The following FLYWCH1 variants were observed in gnomAD, a reference collection of about 807,000 sequenced individuals.
FLYWCH1 encodes the protein FLYWCH-type zinc finger-containing protein 1.
A neutral mutation model predicts 66.4 loss-of-function variants in FLYWCH1; 75 were observed. The ratio of observed to expected loss-of-function variants is 1.13; its 90% CI spans 0.94 to 1.37. FLYWCH1 has a LOEUF of 1.37. FLYWCH1 is among the 40% of genes most tolerant of loss of function. FLYWCH1 has a pLI of 0.00. For missense variants in FLYWCH1, 1,334 were observed against 1,001.8 expected (o/e 1.33, Z -4.48); for synonymous variants, 595 against 429.9 (o/e 1.38, Z -4.75).
At chr16:2,934,919 C>CTT (rs59963690) in intron 6 of FLYWCH1, 1,634 of 144,738 alleles carry the variant, frequency 0.011, 23 homozygotes, top group Non-Finnish European at 0.013. Context: ...CTTGCACAGG[C>CTT]TTTTTTTTTT....
intron 9 of FLYWCH1, among the ~76,000 whole-genome samples, chr16:2,941,988 C>G (rs1422159444): frequency 1.3e-5 from 1 of 79,438 alleles, no homozygotes; most frequent in East Asian, 4.2e-4. Context: ...CAGAGCAAGA[C>G]TCATCTCAAA....
At chr16:2,933,097 C>A (rs569152055) in intron 4 of FLYWCH1, 33 bp from the exon 5 acceptor site, 25 of 1,589,026 alleles carry the variant, frequency 1.6e-5, no homozygotes, top group Non-Finnish European at 2.1e-5. Context: ...CTCTCCACCC[C>A]TGGTGATGTG....
At chr16:2,920,125 A>C (rs2070318109) in intron 2 of FLYWCH1, among the ~76,000 whole-genome samples, 1 of 152,178 alleles carries the variant, frequency 6.6e-6, no homozygotes. Flanking sequence ...ACATTCTGAA[A>C]TAGTTTCTAT....
chr16:2,928,587 T>G (rs1362724090), intron 2 of FLYWCH1, among the ~76,000 whole-genome samples: 1 of 152,144 alleles, frequency 6.6e-6, no homozygotes, highest in African/African-American at 2.4e-5. Flanking sequence ...GAGCACAGGG[T>G]TGGGGTTAAA....
At chr16:2,923,864 C>A (rs1036065689) in intron 2 of FLYWCH1, among the ~76,000 whole-genome samples, 2 of 152,006 alleles carry the variant, frequency 1.3e-5, no homozygotes, top group Non-Finnish European at 2.9e-5. Flanking sequence ...ATGGTGAAAC[C>A]CCATCTCTAC....
In FLYWCH1 at chr16:2,933,254, C is replaced by G. The variant is rs201661996; in HGVS notation, c.921C>G (p.His307Gln). The change falls in exon 5 of 10, where the codon CAC becomes CAG. Residue 307 changes from histidine (H) to glutamine (Q), a missense_variant. Physicochemically the swap from His to Gln is conservative, Grantham distance 24 (BLOSUM62 0). Transcript: ENST00000253928. ...GDKVYWTCRDHALHGCRSRAI... is the reference protein window; with the variant it reads ...GDKVYWTCRDQALHGCRSRAI... ...AGGTGTATTGGACCTGCCGGGACCA[C>G]GCGCTGCACGGCTGCCGGAGCCGGG... 9 of 1,612,460 alleles carry G rather than the reference C, an allele frequency of 5.6e-6. No individual in the cohort carries two copies. The South Asian group carries it at 9.9e-5, about 18-fold the overall frequency.
At chr16:2,935,113 G>A (rs1472764442) in intron 6 of FLYWCH1, 1 of 153,022 alleles carries the variant, frequency 6.5e-6, no homozygotes, top group Non-Finnish European at 1.5e-5. Context: ...AGCAGAGACA[G>A]AGTTTTACCA....
chr16:2,923,036 CTT>C, intron 2 of FLYWCH1: 1 of 438,548 alleles, frequency 2.3e-6, no homozygotes, highest in East Asian at 5.9e-5. Flanking sequence ...TTGTGTGGAT[CTT>C]TTTTTGTGTG....
intron 2 of FLYWCH1, among the ~76,000 whole-genome samples, chr16:2,918,147 CTTTTTT>C (rs35609623): frequency 1.9e-5 from 2 of 103,750 alleles, no homozygotes; most frequent in Non-Finnish European, 1.9e-5. Flanking sequence ...CCTTGGATTC[CTTTTTT>C]TTTTTTTTTT....
chr16:2,936,992 C>G (rs1398880695), intron 6 of FLYWCH1, 129 bp from the exon 7 acceptor site: 1 of 1,161,714 alleles, frequency 8.6e-7, no homozygotes, highest in South Asian at 1.6e-5. Flanking sequence ...GCATCTGTGT[C>G]CTGGGCTCCG....
At position 2,921,829 on chromosome 16, in the gene FLYWCH1, C is replaced by A. The variant is rs1028659383; in HGVS notation, c.-74+7540C>A. 2.6e-5 allele frequency among the ~76,000 whole-genome samples: 4 copies of A among 152,062 alleles called. No homozygotes were observed. The East Asian group carries it at 7.7e-4, about 29-fold the overall frequency. On this transcript the variant is annotated intron_variant, in intron 2 of 9. Coordinates refer to ENST00000253928, the MANE Select transcript of FLYWCH1 (RefSeq NM_001308068.2). The stretch of plus-strand genomic sequence containing the variant: ...CTGTAATCCCAGCACTTTGGGAGGC[C>A]AAGACAGGCAGATCATGAGGTCGGA...
At chr16:2,917,630 A>G (rs377530493) in intron 2 of FLYWCH1, among the ~76,000 whole-genome samples, 6 of 152,310 alleles carry the variant, frequency 3.9e-5, no homozygotes, top group African/African-American at 2.4e-5. Context: ...TGCCCAGCAC[A>G]AAGCAAACCT....
Position 2,933,222 on chromosome 16 carries a change from G to T in FLYWCH1, c.889G>T (p.Gly297Trp). The T allele has an allele frequency of 6.2e-7, 1 of 1,613,618 alleles. No individual in the cohort carries two copies. The highest frequency in any genetic ancestry group is 8.5e-7 in the Non-Finnish European group (1 of 1,179,814). The change falls in exon 5 of 10, where the codon GGG becomes TGG. Residue 297 changes from glycine (G) to tryptophan (W), a missense_variant. By Grantham distance (184) the Gly-to-Trp change is radical. Coordinates refer to ENST00000253928, the MANE Select transcript of FLYWCH1 (RefSeq NM_001308068.2). The stretch of plus-strand genomic sequence containing the variant: ...CCTCTACAAGCGGGAGAAGGCTGTC[G>T]GGGACAAGGTGTATTGGACCTGCCG... Reference protein sequence around the residue: ...SFLYKREKAVGDKVYWTCRDH... With the variant: ...SFLYKREKAVWDKVYWTCRDH...
chr16:2,934,356 G>C (rs1012825581), intron 6 of FLYWCH1, among the ~76,000 whole-genome samples: 3 of 152,336 alleles, frequency 2.0e-5, no homozygotes, highest in East Asian at 1.9e-4. Flanking sequence ...AGTGGTTAAG[G>C]ATTGAGGAGG....
intron 8 of FLYWCH1, among the ~76,000 whole-genome samples, chr16:2,939,388 G>A (rs546847419): frequency 4.8e-4 from 73 of 152,144 alleles, no homozygotes; most frequent in Admixed American, 9.2e-4. Flanking sequence ...CCTGGGAGGC[G>A]GAGGTTGCAG....
chr16:2,948,536 C>T (rs1044820879), intron 9 of FLYWCH1, among the ~76,000 whole-genome samples, 152 bp from the exon 10 acceptor site: 1 of 152,156 alleles, frequency 6.6e-6, no homozygotes, highest in Non-Finnish European at 1.5e-5. Flanking sequence ...GCACTCCAGC[C>T]TGGGTGACAG....
intron 9 of FLYWCH1, among the ~76,000 whole-genome samples, chr16:2,943,903 C>T (rs866944657): frequency 6.6e-6 from 1 of 151,942 alleles, no homozygotes; most frequent in South Asian, 2.1e-4. Flanking sequence ...CGACATTGCA[C>T]TCCAGCCTGG....
chr16:2,939,632 G>A (rs1293659685), intron 8 of FLYWCH1: 4 of 181,152 alleles, frequency 2.2e-5, no homozygotes, highest in Non-Finnish European at 4.7e-5. Flanking sequence ...ACTCTAGCCC[G>A]GGAGGTTGAG....
chr16:2,933,345 C>T lies in FLYWCH1; in HGVS notation c.1012C>T (p.Leu338=), dbSNP rs776637150. 4 of 1,607,010 alleles carry T rather than the reference C, an allele frequency of 2.5e-6. No individual in the cohort carries two copies. Among genetic ancestry groups the T allele is most frequent in the Non-Finnish European group, 3.4e-6 (4 of 1,177,268 alleles). The change falls in exon 5 of 10, where the codon CTG becomes TTG. Residue 338 remains leucine (L), a synonymous_variant. Coordinates refer to ENST00000253928, the MANE Select transcript of FLYWCH1 (RefSeq NM_001308068.2). ...CTGCCACCAGCCCGATATGGAGGGC[C>T]TGGAAGCCCGGCGGCAGCAGGAGAA... is the stretch of plus-strand genomic sequence containing the variant. ...GHCHQPDMEG[L]EARRQQEKAV...
Sources: gnomAD v4.1 joint callset for allele counts (sites outside exome capture counted in the v4.1 genomes callset) on GRCh38, gnomAD v4.1.1 for gene constraint, MANE v1.5 for transcripts, NCBI Gene and HGNC (gene_info 2026-07-23, HGNC 2026-07-21) for gene names.